Variants in DNAJC5 observed in about 807,000 individuals in gnomAD.
DNAJC5 encodes DnaJ heat shock protein family (Hsp40) member C5, also known as dnaJ homolog subfamily C member 5.
A neutral mutation model predicts 23.2 loss-of-function variants in DNAJC5; 1 was observed. The observed-to-expected ratio is 0.04, with a 90% CI of 0.02 to 0.20. DNAJC5 has a LOEUF of 0.20. Ranked by LOEUF, DNAJC5 falls within the 10% of genes least tolerant of loss-of-function variation. The pLI is 1.00. For synonymous variants in DNAJC5, 136 were observed against 120.0 expected (o/e 1.13, Z -0.87); for missense variants, 180 against 267.0 (o/e 0.67, Z 2.27).
chr20:63,914,448 G>A (rs1284269443), intron 1 of DNAJC5, among the ~76,000 whole-genome samples: 1 of 151,844 alleles, frequency 6.6e-6, no homozygotes, highest in African/African-American at 2.4e-5. Context: ...CCGAGTCGCT[G>A]GGACTACAGG....
At chr20:63,923,724 A>C (rs543562766) in intron 1 of DNAJC5, among the ~76,000 whole-genome samples, 35 of 152,330 alleles carry the variant, frequency 2.3e-4, no homozygotes, top group Non-Finnish European at 2.4e-4. Flanking sequence ...GGCGGGGAAA[A>C]GAAAGAATGA....
In DNAJC5 at chr20:63,935,231, GTCAT is replaced by G. The variant is rs1158822811; in HGVS notation, c.*3668_*3671del. 6.6e-6 allele frequency: 1 copy of G among 152,250 alleles called. No homozygotes were observed. Among genetic ancestry groups the G allele is most frequent in the African/African-American group, 2.4e-5 (1 of 41,444 alleles). The allele number at this position is 152,250 out of a possible 1,614,324, so 9.4% of individuals were successfully genotyped here. A position where few individuals can be genotyped will look rare whatever the true frequency, so the allele number is the denominator to read the frequency against. On this transcript the variant is annotated 3_prime_UTR_variant, in exon 5 of 5. Coordinates refer to ENST00000360864, the MANE Select transcript of DNAJC5 (RefSeq NM_025219.3). Reference sequence around the variant, plus strand: ...TATGTATATATCACGCAGCAGGAGTGTCATTCATGCTGCTGTCCCCTGGTGAAGT... The same window carrying G: ...TATGTATATATCACGCAGCAGGAGTGTCATGCTGCTGTCCCCTGGTGAAGT...
At chr20:63,927,428 C>T (rs140191569) in intron 1 of DNAJC5, among the ~76,000 whole-genome samples, 21 of 152,204 alleles carry the variant, frequency 1.4e-4, no homozygotes, top group African/African-American at 5.1e-4. Flanking sequence ...CCCAGCTACT[C>T]CTGTGTGAGG....
At position 63,933,678 on chromosome 20, in the gene DNAJC5, G is replaced by A. The variant is rs572143327; in HGVS notation, c.*2110G>A. On this transcript the variant is annotated 3_prime_UTR_variant, in exon 5 of 5. Coordinates refer to ENST00000360864, the MANE Select transcript of DNAJC5 (RefSeq NM_025219.3). ...GAGATGCTGGCTGTACTCAGCCTTT[G>A]CAATTTTTGTAGATGTAGCTTAGGA... 15 of 152,496 alleles carry A rather than the reference G, an allele frequency of 9.8e-5. No individual in the cohort carries two copies. Among genetic ancestry groups the A allele is most frequent in the African/African-American group, 3.6e-4 (15 of 41,576 alleles). 9.4% of individuals were successfully genotyped at this position (152,496 alleles called of 1,614,324 possible).
At chr20:63,910,808 G>A (rs1350551334) in intron 1 of DNAJC5, among the ~76,000 whole-genome samples, 1 of 151,818 alleles carries the variant, frequency 6.6e-6, no homozygotes, top group Non-Finnish European at 1.5e-5. Context: ...AAGTAGCTGG[G>A]ACTACAGGTG....
rs918842371 is a variant in DNAJC5, at chr20:63,931,277, C to CG, written c.494-184dup. On this transcript the variant is annotated intron_variant, in intron 4 of 4. Transcript: ENST00000360864. This position sits in a 1 kb window ranked among gnomAD's most constrained non-coding sequence, Gnocchi z 9.6. ...GGGGCAGGGCGGCAGGCAGTTGGGGCGGGGCTGAGGGCCGAGGGCTGGCGG... is the reference window on the plus strand; with the variant it reads ...GGGGCAGGGCGGCAGGCAGTTGGGGCGGGGGCTGAGGGCCGAGGGCTGGCGG... 18 of 788,244 alleles carry CG rather than the reference C, an allele frequency of 2.3e-5. No individual in the cohort carries two copies. The highest frequency in any genetic ancestry group is 2.7e-4 in the Middle Eastern group (1 of 3,696). The allele number at this position is 788,244 out of a possible 1,614,324, so 48.8% of individuals were successfully genotyped here.
In DNAJC5 at chr20:63,931,122, C is replaced by T. The variant is rs1227943717; in HGVS notation, c.493+100C>T. On this transcript the variant is annotated intron_variant, in intron 4 of 4. Coordinates refer to ENST00000360864, the MANE Select transcript of DNAJC5 (RefSeq NM_025219.3). The surrounding 1 kb of genome is among the most constrained non-coding windows in gnomAD (Gnocchi z 9.6). ...CTTGTCAAACAGGAGGGCACTGACA[C>T]TGTGCCGCGAGTGTTTGTGGTGGCA... 1.2e-5 allele frequency: 16 copies of T among 1,293,828 alleles called. No individual in the cohort carries two copies. Among genetic ancestry groups the T allele is most frequent in the Non-Finnish European group, 1.8e-5 (16 of 914,222 alleles). The allele number at this position is 1,293,828 out of a possible 1,614,324, so 80.1% of individuals were successfully genotyped here. A position where few individuals can be genotyped will look rare whatever the true frequency, so the allele number is the denominator to read the frequency against.
At chr20:63,913,981 C>T (rs2146284023) in intron 1 of DNAJC5, among the ~76,000 whole-genome samples, 1 of 152,316 alleles carries the variant, frequency 6.6e-6, no homozygotes, top group East Asian at 1.9e-4. Context: ...CATCCTCCCA[C>T]CCCTCAGGCA....
At chr20:63,921,334 G>C (rs2053570298) in intron 1 of DNAJC5, among the ~76,000 whole-genome samples, 1 of 152,090 alleles carries the variant, frequency 6.6e-6, no homozygotes, top group Non-Finnish European at 1.5e-5. Flanking sequence ...GCTCACACCT[G>C]TAATCCCAGC....
chr20:63,929,534 G>A lies in DNAJC5; in HGVS notation c.321+9G>A, dbSNP rs763367010. On this transcript the variant is annotated intron_variant, in intron 3 of 4. Coordinates refer to ENST00000360864, the MANE Select transcript of DNAJC5 (RefSeq NM_025219.3). This position sits in a 1 kb window ranked among gnomAD's most constrained non-coding sequence, Gnocchi z 8.6. Reference sequence around the variant, plus strand: ...CCAGCTGGTGGGCCAAGGTGAGGGCGAGCTGCCTGCCGTGCGGGCACCCGA... The same window carrying A: ...CCAGCTGGTGGGCCAAGGTGAGGGCAAGCTGCCTGCCGTGCGGGCACCCGA... The A allele has an allele frequency of 7.4e-6, 12 of 1,613,194 alleles. No individual in the cohort carries two copies. Among genetic ancestry groups the A allele is most frequent in the Non-Finnish European group, 8.5e-6 (10 of 1,179,856 alleles).
At position 63,920,768 on chromosome 20, in the gene DNAJC5, C is replaced by G. The variant is rs558522031; in HGVS notation, c.-11-7567C>G. ...TCTCGGCTCACTGCAACCTCCCCCTCGAGGGTTCAAGCGATTCTCCTGCCT... is the reference window on the plus strand; with the variant it reads ...TCTCGGCTCACTGCAACCTCCCCCTGGAGGGTTCAAGCGATTCTCCTGCCT... On this transcript the variant is annotated intron_variant, in intron 1 of 4. Coordinates refer to ENST00000360864, the MANE Select transcript of DNAJC5 (RefSeq NM_025219.3). The surrounding 1 kb of genome is among the most constrained non-coding windows in gnomAD (Gnocchi z 4.6). Among the ~76,000 whole-genome samples, 1 of 151,490 alleles carries G rather than the reference C, an allele frequency of 6.6e-6. No homozygotes were observed. Among genetic ancestry groups the G allele is most frequent in the Admixed American group, 6.6e-5 (1 of 15,194 alleles).
intron 1 of DNAJC5, among the ~76,000 whole-genome samples, chr20:63,914,052 A>G (rs2053500375): frequency 6.6e-6 from 1 of 152,020 alleles, no homozygotes; most frequent in Non-Finnish European, 1.5e-5. Context: ...GGCTGGGGAG[A>G]GAGCGAGGCA....
At position 63,929,208 on chromosome 20, in the gene DNAJC5, G is replaced by C; in HGVS notation, c.108-104G>C. The C allele has an allele frequency of 7.3e-7, 1 of 1,361,282 alleles. No homozygotes were observed. The highest frequency in any genetic ancestry group is 2.5e-5 in the East Asian group (1 of 39,912). 84.3% of individuals were successfully genotyped at this position (1,361,282 alleles called of 1,614,324 possible). A position where few individuals can be genotyped will look rare whatever the true frequency, so the allele number is the denominator to read the frequency against. ...ACAGTGAGGTGGCCTGGGTGGACCT[G>C]CCTTCCACTGCACCCGGCAGTGCGT... On this transcript the variant is annotated intron_variant, in intron 2 of 4. Transcript: ENST00000360864. The surrounding 1 kb of genome is among the most constrained non-coding windows in gnomAD (Gnocchi z 8.6).
At chr20:63,930,387 T>G (rs959456522) in intron 3 of DNAJC5, among the ~76,000 whole-genome samples, 17 of 151,952 alleles carry the variant, frequency 1.1e-4, no homozygotes, top group African/African-American at 3.9e-4. Flanking sequence ...TCGCTCTGTT[T>G]CCCAGGCTGG....
chr20:63,931,317 G>A lies in DNAJC5; in HGVS notation c.494-148G>A. On this transcript the variant is annotated intron_variant, in intron 4 of 4. Transcript: ENST00000360864. This position sits in a 1 kb window ranked among gnomAD's most constrained non-coding sequence, Gnocchi z 9.6. ...AGGGCTGGCGGTGACCCAAGGCGAC[G>A]GAGGAAAGCCGTGTGGGGTGGAGGT... 4.5e-6 allele frequency: 4 copies of A among 888,454 alleles called. No homozygotes were observed. Among genetic ancestry groups the A allele is most frequent in the South Asian group, 2.9e-5 (2 of 69,540 alleles). The allele number at this position is 888,454 out of a possible 1,614,324, so 55.0% of individuals were successfully genotyped here.
chr20:63,910,498 G>A (rs2053475501), intron 1 of DNAJC5, among the ~76,000 whole-genome samples: 3 of 150,068 alleles, frequency 2.0e-5, no homozygotes, highest in Admixed American at 2.0e-4. Context: ...AGTGGAGATC[G>A]CGCCACTGCA....
At chr20:63,908,011 C>T (rs576533120) in intron 1 of DNAJC5, among the ~76,000 whole-genome samples, 1 of 152,338 alleles carries the variant, frequency 6.6e-6, no homozygotes, top group South Asian at 2.1e-4. Context: ...CGTGATCCCC[C>T]CACCTTGGCC....
At chr20:63,900,543 C>G (rs1457144278) in intron 1 of DNAJC5, among the ~76,000 whole-genome samples, 1 of 145,452 alleles carries the variant, frequency 6.9e-6, no homozygotes, top group African/African-American at 2.6e-5. Flanking sequence ...CTCCACTGCA[C>G]TCCAGCCTGG....
intron 1 of DNAJC5, among the ~76,000 whole-genome samples, chr20:63,901,089 T>A (rs2053408382): frequency 6.6e-6 from 1 of 152,192 alleles, no homozygotes; most frequent in Non-Finnish European, 1.5e-5. Context: ...CTCAGCCTCT[T>A]GAGTAACTGG....
Sources: gnomAD v4.1 joint callset for allele counts (sites outside exome capture counted in the v4.1 genomes callset) on GRCh38, gnomAD v4.1.1 for gene constraint, Gnocchi (gnomAD v3.1) non-coding constraint, MANE v1.5 for transcripts, NCBI Gene and HGNC (gene_info 2026-07-23, HGNC 2026-07-21) for gene names.